The following PPP2R2B variants were observed in gnomAD, a reference collection of about 807,000 sequenced individuals.
PPP2R2B encodes serine/threonine-protein phosphatase 2A 55 kDa regulatory subunit B beta isoform.
Under a neutral mutation model 46.0 loss-of-function variants are expected in PPP2R2B, and 5 were observed. The observed-to-expected ratio is 0.11, with a 90% CI of 0.06 to 0.23. The LOEUF is 0.23. Among genes scored for constraint, PPP2R2B ranks in the 10% least tolerant of loss-of-function variants. The pLI is 1.00. For missense variants in PPP2R2B, 367 were observed against 575.0 expected (o/e 0.64, Z 3.70); for synonymous variants, 215 against 206.7 (o/e 1.04, Z -0.34).
Position 147,030,651 on chromosome 5 carries a change from T to C in PPP2R2B, c.79+25014A>G, listed in dbSNP as rs552869547. On this transcript the variant is annotated intron_variant, in intron 1 of 8. Transcript: ENST00000336640. ...AATTATTTTACCATTTAAAAAATAT[T>C]GATTGCACCAGAAATTGCAACATAC... Among the ~76,000 whole-genome samples the C allele has an allele frequency of 3.9e-5, 6 of 152,290 alleles. No individual in the cohort carries two copies. In the South Asian group the frequency reaches 1.2e-3, roughly 32 times the overall value.
intron 2 of PPP2R2B, among the ~76,000 whole-genome samples, chr5:146,724,315 G>GTT (rs112692780): frequency 2.0e-5 from 3 of 147,466 alleles, no homozygotes; most frequent in Non-Finnish European, 4.5e-5. Flanking sequence ...ACTGTCATAG[G>GTT]TTTTTTTTTT....
intron 5 of PPP2R2B, among the ~76,000 whole-genome samples, chr5:146,662,382 CA>C (rs1315242357): frequency 6.6e-6 from 1 of 152,160 alleles, no homozygotes; most frequent in Admixed American, 6.5e-5. Context: ...GATTTAGAAA[CA>C]AATTGACTTA....
At chr5:146,669,446 A>C (rs1228570566) in intron 5 of PPP2R2B, among the ~76,000 whole-genome samples, 1 of 152,032 alleles carries the variant, frequency 6.6e-6, no homozygotes, top group African/African-American at 2.4e-5. Flanking sequence ...ATGGCCCCTC[A>C]TATTGTTTGC....
At chr5:147,069,894 A>T (rs943118461) in intron 2 of PPP2R2B, among the ~76,000 whole-genome samples, 1 of 141,524 alleles carries the variant, frequency 7.1e-6, no homozygotes, top group Non-Finnish European at 1.5e-5. Context: ...AGGTTCAAGC[A>T]ATTCTCTTGC....
chr5:146,997,381 G>C, intron 1 of PPP2R2B, among the ~76,000 whole-genome samples: 1 of 152,108 alleles, frequency 6.6e-6, no homozygotes, highest in Non-Finnish European at 1.5e-5. Context: ...AATCCAACTG[G>C]GCTGCCTGCA....
chr5:146,697,903 T>C (rs1779274076), intron 4 of PPP2R2B, 76 bp downstream of exon 4: 16 of 1,401,726 alleles, frequency 1.1e-5, no homozygotes, highest in Admixed American at 2.2e-5. Context: ...TCAAAGGAAA[T>C]TGAGGTTAAG....
Position 147,031,211 on chromosome 5 carries a change from T to C in PPP2R2B, c.79+24454A>G, listed in dbSNP as rs193125543. Reference sequence around the variant, plus strand: ...GAGATCACGCCATGGCACTCCAGCCTGGGCAACAGCGAGACTCCACCTCAA... The same window carrying C: ...GAGATCACGCCATGGCACTCCAGCCCGGGCAACAGCGAGACTCCACCTCAA... On this transcript the variant is annotated intron_variant, in intron 1 of 8. Transcript: ENST00000336640. 2.3e-4 allele frequency among the ~76,000 whole-genome samples: 35 copies of C among 152,014 alleles called. No individual in the cohort carries two copies. In the East Asian group the frequency reaches 5.6e-3, roughly 24 times the overall value.
chr5:146,856,934 G>C (rs1179699046), intron 2 of PPP2R2B, among the ~76,000 whole-genome samples: 1 of 152,168 alleles, frequency 6.6e-6, no homozygotes, highest in Non-Finnish European at 1.5e-5. Flanking sequence ...AAGCTTGAGG[G>C]GGTGGAGCCT....
intron 8 of PPP2R2B, among the ~76,000 whole-genome samples, chr5:146,595,131 G>A (rs1771045481): frequency 6.6e-6 from 1 of 152,192 alleles, no homozygotes; most frequent in Admixed American, 6.5e-5. Context: ...ACAGTTCCAG[G>A]CCTTGTCAGG....
intron 1 of PPP2R2B, among the ~76,000 whole-genome samples, chr5:146,929,742 C>T (rs950440775): frequency 1.3e-5 from 2 of 152,082 alleles, no homozygotes; most frequent in African/African-American, 2.4e-5. Flanking sequence ...AGCAGTTTTG[C>T]GTGTGGGCTC....
intron 2 of PPP2R2B, among the ~76,000 whole-genome samples, chr5:146,844,397 A>G (rs1759862232): frequency 6.6e-6 from 1 of 151,990 alleles, no homozygotes; most frequent in Non-Finnish European, 1.5e-5. Context: ...TGAAACATCC[A>G]AAATGCCAGA....
In PPP2R2B at chr5:146,589,062, C is replaced by CTTATTA. The variant is rs1770329178; in HGVS notation, c.*884_*885insTAATAA. Reference sequence around the variant, plus strand: ...AACACCAGATAATAAGCACCCAGGACTCGGCCTTTAGAAGTCAATGGAATA... The same window carrying CTTATTA: ...AACACCAGATAATAAGCACCCAGGACTTATTATCGGCCTTTAGAAGTCAATGGAATA... On this transcript the variant is annotated 3_prime_UTR_variant, in exon 10 of 10. Transcript: ENST00000394411. 6.6e-6 allele frequency: 1 copy of CTTATTA among 152,150 alleles called. No homozygotes were observed. Among genetic ancestry groups the CTTATTA allele is most frequent in the Non-Finnish European group, 1.5e-5 (1 of 68,072 alleles). 9.4% of individuals were successfully genotyped at this position (152,150 alleles called of 1,614,324 possible).
At chr5:146,856,410 C>T (rs1379788777) in intron 2 of PPP2R2B, 59 of 1,003,046 alleles carry the variant, frequency 5.9e-5, no homozygotes, top group Non-Finnish European at 8.2e-5. Flanking sequence ...TTGTGTCCCA[C>T]GGAACAAATT....
At chr5:146,821,997 A>G (rs1393918319) in intron 2 of PPP2R2B, among the ~76,000 whole-genome samples, 1 of 152,232 alleles carries the variant, frequency 6.6e-6, no homozygotes, top group Non-Finnish European at 1.5e-5. Context: ...TGGCCCAAGT[A>G]AGACTAGAAC....
intron 5 of PPP2R2B, among the ~76,000 whole-genome samples, chr5:146,689,043 A>G (rs1399165450): frequency 6.6e-6 from 1 of 152,208 alleles, no homozygotes; most frequent in African/African-American, 2.4e-5. Flanking sequence ...TATAAAAAGT[A>G]TAAAAAGAAA....
intron 7 of PPP2R2B, among the ~76,000 whole-genome samples, chr5:146,622,829 G>T (rs1044919977): frequency 6.6e-6 from 1 of 152,196 alleles, no homozygotes; most frequent in Non-Finnish European, 1.5e-5. Flanking sequence ...TATCTTTAAA[G>T]TAGCTTATAT....
chr5:146,583,968 C>T lies in PPP2R2B; in HGVS notation c.*5979G>A, dbSNP rs1770016111. The T allele has an allele frequency of 6.6e-6, 1 of 152,342 alleles. No individual in the cohort carries two copies. Among genetic ancestry groups the T allele is most frequent in the Non-Finnish European group, 1.5e-5 (1 of 68,042 alleles). The allele number at this position is 152,342 out of a possible 1,614,324, so 9.4% of individuals were successfully genotyped here. On this transcript the variant is annotated 3_prime_UTR_variant, in exon 10 of 10. Transcript: ENST00000394411. ...GAGTTATGAAGAAGTGTCCTCTCCA[C>T]TCTTTCTCAAACCAAATACAGCAGC...
chr5:146,643,669 A>G (rs986566617), intron 6 of PPP2R2B, among the ~76,000 whole-genome samples: 1 of 152,222 alleles, frequency 6.6e-6, no homozygotes, highest in African/African-American at 2.4e-5. Context: ...GGGTGCACCA[A>G]ATTCTCACAA....
intron 6 of PPP2R2B, among the ~76,000 whole-genome samples, chr5:146,646,989 C>T (rs1775623208): frequency 6.6e-6 from 1 of 152,078 alleles, no homozygotes; most frequent in Non-Finnish European, 1.5e-5. Context: ...AGTGGTAGGG[C>T]TGGGTGAGAC....
Sources: gnomAD v4.1 joint callset for allele counts (sites outside exome capture counted in the v4.1 genomes callset) on GRCh38, gnomAD v4.1.1 for gene constraint, MANE v1.5 for transcripts, NCBI Gene and HGNC (gene_info 2026-07-23, HGNC 2026-07-21) for gene names.